Variants in SHC4 observed in about 807,000 individuals in gnomAD.
SHC4 encodes SHC adaptor protein 4.
A neutral mutation model predicts 69.4 loss-of-function variants in SHC4; 41 were observed. That is an observed-to-expected ratio of 0.59 (90% CI 0.46 to 0.77). SHC4 has a LOEUF of 0.77. SHC4 is among the 30% of genes least tolerant of loss of function. The pLI, the probability that SHC4 is intolerant of heterozygous loss-of-function variation, is 0.00. For missense variants in SHC4, 777 were observed against 783.8 expected (o/e 0.99, Z 0.10); for synonymous variants, 318 against 299.3 (o/e 1.06, Z -0.64).
At chr15:48,864,436 CTTTTTTTTTTT>C (rs35549079) in intron 6 of SHC4, among the ~76,000 whole-genome samples, 100 of 55,060 alleles carry the variant, frequency 1.8e-3, no homozygotes, top group African/African-American at 5.5e-3. Flanking sequence ...ATACCACTTT[CTTTTTTTTTTT>C]TTTTTTTTTT....
intron 1 of SHC4, among the ~76,000 whole-genome samples, chr15:48,961,683 A>G (rs1443671862): frequency 6.6e-6 from 1 of 152,210 alleles, no homozygotes; most frequent in Non-Finnish European, 1.5e-5. Context: ...AAGTATTATT[A>G]TCTTAGTATT....
chr15:48,856,578 A>G (rs907952895), intron 7 of SHC4, among the ~76,000 whole-genome samples: 2 of 152,208 alleles, frequency 1.3e-5, no homozygotes, highest in Non-Finnish European at 2.9e-5. Context: ...AATGAAAAAA[A>G]AAATAAGAGA....
At chr15:48,871,176 A>T (rs1426959225) in intron 5 of SHC4, among the ~76,000 whole-genome samples, 1 of 152,242 alleles carries the variant, frequency 6.6e-6, no homozygotes, top group Non-Finnish European at 1.5e-5. Context: ...TCTTTAAAAA[A>T]TGCTTTGCAG....
chr15:48,844,708 A>G (rs1472441496), intron 9 of SHC4, among the ~76,000 whole-genome samples: 1 of 152,200 alleles, frequency 6.6e-6, no homozygotes, highest in African/African-American at 2.4e-5. Context: ...AGGTGGAGAT[A>G]ACTGAATCAT....
In SHC4 at chr15:48,824,445, A is replaced by G. The variant is rs1898650051; in HGVS notation, c.*1526T>C. 1 of 151,816 alleles carries G rather than the reference A, an allele frequency of 6.6e-6. No individual in the cohort carries two copies. The highest frequency in any genetic ancestry group is 1.5e-5 in the Non-Finnish European group (1 of 67,926). 9.4% of individuals were successfully genotyped at this position (151,816 alleles called of 1,614,324 possible). Reference sequence around the variant, plus strand: ...AAAAAACAAAAAACATTTTTCTTGGAAAGGCAAGAAAAGGACATAAGTAGT... The same window carrying G: ...AAAAAACAAAAAACATTTTTCTTGGGAAGGCAAGAAAAGGACATAAGTAGT... On this transcript the variant is annotated 3_prime_UTR_variant, in exon 12 of 12. Transcript: ENST00000332408.
intron 1 of SHC4, among the ~76,000 whole-genome samples, chr15:48,956,145 G>A (rs1166323064): frequency 6.6e-6 from 1 of 152,176 alleles, no homozygotes; most frequent in Non-Finnish European, 1.5e-5. Context: ...AAATAGGAAG[G>A]AAAATATAAT....
chr15:48,854,539 T>A (rs1172642124), intron 8 of SHC4, among the ~76,000 whole-genome samples: 2 of 152,228 alleles, frequency 1.3e-5, no homozygotes, highest in Admixed American at 6.5e-5. Flanking sequence ...GCAGCACTAT[T>A]CACAATAGCA....
chr15:48,963,339 A>C lies in SHC4; in HGVS notation c.-324T>G. 2.5e-5 allele frequency: 7 copies of C among 285,272 alleles called. No individual in the cohort carries two copies. Among genetic ancestry groups the C allele is most frequent in the South Asian group, 2.1e-4 (2 of 9,324 alleles). The allele number at this position is 285,272 out of a possible 1,614,324, so 17.7% of individuals were successfully genotyped here. A position where few individuals can be genotyped will look rare whatever the true frequency, so the allele number is the denominator to read the frequency against. Reference sequence around the variant, plus strand: ...CTCACGGCCAACTCTTAGGCGCAGAACCCGGGCGAGCGCCGGTCGGGGGGC... The same window carrying C: ...CTCACGGCCAACTCTTAGGCGCAGACCCCGGGCGAGCGCCGGTCGGGGGGC... On this transcript the variant is annotated 5_prime_UTR_variant, in exon 1 of 12. Coordinates refer to ENST00000332408, the MANE Select transcript of SHC4 (RefSeq NM_203349.4).
At chr15:48,909,456 T>C (rs755964222) in intron 2 of SHC4, among the ~76,000 whole-genome samples, 4 of 152,120 alleles carry the variant, frequency 2.6e-5, no homozygotes, top group Non-Finnish European at 4.4e-5. Flanking sequence ...GGAGGAGTCT[T>C]TAAGGTTTTC....
chr15:48,942,057 C>T (rs1263434024), intron 1 of SHC4, among the ~76,000 whole-genome samples: 2 of 152,120 alleles, frequency 1.3e-5, no homozygotes, highest in Middle Eastern at 3.4e-3. Context: ...AATGGCAATG[C>T]TATGAAGATG....
chr15:48,949,494 T>A (rs1393021546), intron 1 of SHC4, among the ~76,000 whole-genome samples: 1 of 152,068 alleles, frequency 6.6e-6, no homozygotes, highest in African/African-American at 2.4e-5. Flanking sequence ...TACAAACACT[T>A]CTCACCTTGA....
intron 2 of SHC4, among the ~76,000 whole-genome samples, chr15:48,896,188 TTTTCTTTC>T (rs961947573): frequency 1.3e-5 from 2 of 151,760 alleles, no homozygotes; most frequent in African/African-American, 4.8e-5. Flanking sequence ...CCTTCTTTCT[TTTTCTTTC>T]TTTCTTTCTT....
intron 6 of SHC4, among the ~76,000 whole-genome samples, chr15:48,864,076 T>G (rs577753897): frequency 6.6e-6 from 1 of 152,328 alleles, no homozygotes; most frequent in South Asian, 2.1e-4. Context: ...TTAGATTGTT[T>G]GTTTATTCTA....
At chr15:48,889,853 A>G (rs1253573162) in intron 3 of SHC4, among the ~76,000 whole-genome samples, 1 of 152,204 alleles carries the variant, frequency 6.6e-6, no homozygotes, top group Non-Finnish European at 1.5e-5. Context: ...CAAAAACAAA[A>G]AACAAAACAA....
rs371445083 is a variant in SHC4 at position 48,961,972 on chromosome 15, A to T, written c.585+459T>A. Among the ~76,000 whole-genome samples the T allele has an allele frequency of 2.6e-5, 4 of 152,324 alleles. No individual in the cohort carries two copies. In the East Asian group the frequency reaches 5.8e-4, roughly 22 times the overall value. On this transcript the variant is annotated intron_variant, in intron 1 of 11. Transcript: ENST00000332408. ...TGCTGAAATAAATTTTTAAAGAATA[A>T]TTCAAGCCCCTTACACACCATGTGT...
chr15:48,856,043 T>C lies in SHC4; in HGVS notation c.1152A>G (p.Pro384=), dbSNP rs1750392273. The change falls in exon 8 of 12, where the codon CCA becomes CCG. Residue 384 remains proline, a synonymous_variant. Coordinates refer to ENST00000332408, the MANE Select transcript of SHC4 (RefSeq NM_203349.4). The part of the protein sequence containing the change: ...YYNEIPGKQP[P]VGGVSDMRIK... ...TCCGCATATCTGAAACACCACCTAC[T>C]GGTGGCTGCTTCCCTGGAATTTCAT... 1 of 1,613,886 alleles carries C rather than the reference T, an allele frequency of 6.2e-7. No homozygotes were observed. Among genetic ancestry groups the C allele is most frequent in the Non-Finnish European group, 8.5e-7 (1 of 1,179,812 alleles).
At chr15:48,894,390 T>C (rs765651357) in intron 2 of SHC4, among the ~76,000 whole-genome samples, 15 of 152,178 alleles carry the variant, frequency 9.9e-5, no homozygotes, top group Admixed American at 2.0e-4. Context: ...TTTAAAATAT[T>C]GAAAATAATG....
intron 2 of SHC4, among the ~76,000 whole-genome samples, chr15:48,918,968 C>G (rs1401754357): frequency 1.3e-5 from 2 of 152,082 alleles, no homozygotes; most frequent in Admixed American, 6.6e-5. Flanking sequence ...AGCTGCAAGT[C>G]ACAGCATTTC....
intron 1 of SHC4, among the ~76,000 whole-genome samples, chr15:48,951,240 A>T (rs6493343): frequency 1.3e-5 from 2 of 151,966 alleles, no homozygotes. Flanking sequence ...ATCCCCAGCC[A>T]CATCCTTCCT....
Sources: gnomAD v4.1 joint callset for allele counts (sites outside exome capture counted in the v4.1 genomes callset) on GRCh38, gnomAD v4.1.1 for gene constraint, MANE v1.5 for transcripts, NCBI Gene and HGNC (gene_info 2026-07-23, HGNC 2026-07-21) for gene names.